Variants in TTBK2 observed in about 807,000 individuals in gnomAD.
TTBK2 encodes tau-tubulin kinase 2.
In TTBK2, 28 loss-of-function variants were observed where a neutral mutation model predicts 110.8. That is an observed-to-expected ratio of 0.25 (90% CI 0.19 to 0.35). TTBK2 has a LOEUF of 0.35. Ranked by LOEUF, TTBK2 falls within the 10% of genes least tolerant of loss-of-function variation. The pLI is 1.00. For synonymous variants in TTBK2, 532 were observed against 527.3 expected (o/e 1.01, Z -0.12); for missense variants, 1,369 against 1,500.3 (o/e 0.91, Z 1.45).
chr15:42,903,233 A>T (rs1436069304), intron 1 of TTBK2, among the ~76,000 whole-genome samples: 1 of 152,180 alleles, frequency 6.6e-6, no homozygotes, highest in African/African-American at 2.4e-5. Context: ...ATCAATTCAG[A>T]GACAGAAAGT....
chr15:42,827,814 G>A (rs1892594698), intron 6 of TTBK2, 114 bp downstream of exon 6: 3 of 837,106 alleles, frequency 3.6e-6, no homozygotes, highest in Non-Finnish European at 5.7e-6. Flanking sequence ...AAATGTATAT[G>A]CCACTTCTTA....
At chr15:42,868,717 C>T (rs1352483083) in intron 3 of TTBK2, among the ~76,000 whole-genome samples, 1 of 150,532 alleles carries the variant, frequency 6.6e-6, no homozygotes, top group Non-Finnish European at 1.5e-5. Flanking sequence ...AAAAAATTAG[C>T]TGAGTGTGGT....
chr15:42,802,238 C>T, intron 9 of TTBK2: 1 of 851,950 alleles, frequency 1.2e-6, no homozygotes, highest in South Asian at 1.3e-5. Context: ...CCTCCACTGG[C>T]CCCACCATAT....
intron 3 of TTBK2, among the ~76,000 whole-genome samples, chr15:42,852,692 C>T (rs971868092): frequency 5.3e-5 from 8 of 152,104 alleles, no homozygotes; most frequent in African/African-American, 1.7e-4. Flanking sequence ...AATGAGTAAA[C>T]GAATCCTCAA....
Position 42,783,600 on chromosome 15 carries a change from A to G in TTBK2, c.1016T>C (p.Leu339Pro), listed in dbSNP as rs940709140. ...ANATPIPGDL[L>P]RENTDEVFPD... ...AAATACCTCATCTGTATTTTCTCGAAGCAAGTCTCCAGGGATGGGAGTAGC... is the reference window on the plus strand; with the variant it reads ...AAATACCTCATCTGTATTTTCTCGAGGCAAGTCTCCAGGGATGGGAGTAGC... The change falls in exon 11 of 15, where the codon CTT becomes CCT. Residue 339 changes from leucine (L) to proline (P), a missense_variant. Leu to Pro is a moderately conservative substitution (Grantham distance 98). Transcript: ENST00000267890. 1 of 1,614,040 alleles carries G rather than the reference A, an allele frequency of 6.2e-7. No individual in the cohort carries two copies. The highest frequency in any genetic ancestry group is 1.3e-5 in the African/African-American group (1 of 74,912).
At chr15:42,908,309 A>C (rs2141205760) in intron 1 of TTBK2, 1 of 152,254 alleles carries the variant, frequency 6.6e-6, no homozygotes, top group South Asian at 2.1e-4. Context: ...GCCGTCCGTA[A>C]AAATTTTAAA....
intron 4 of TTBK2, among the ~76,000 whole-genome samples, chr15:42,835,276 G>C (rs1892941975): frequency 6.6e-6 from 1 of 152,112 alleles, no homozygotes; most frequent in Non-Finnish European, 1.5e-5. Flanking sequence ...TAACCTCACT[G>C]AAAGACAGAC....
At chr15:42,866,899 C>G (rs927740592) in intron 3 of TTBK2, among the ~76,000 whole-genome samples, 1 of 151,956 alleles carries the variant, frequency 6.6e-6, no homozygotes, top group Non-Finnish European at 1.5e-5. Flanking sequence ...CTGGGATGCA[C>G]TGAAAAAGGT....
intron 3 of TTBK2, among the ~76,000 whole-genome samples, chr15:42,861,629 T>C (rs1312925468): frequency 1.3e-5 from 2 of 152,036 alleles, no homozygotes; most frequent in Non-Finnish European, 2.9e-5. Context: ...TAAATGCCTT[T>C]ATCAAGAAGT....
chr15:42,815,931 A>AT (rs1891942622), intron 7 of TTBK2, among the ~76,000 whole-genome samples: 1 of 50,542 alleles, frequency 2.0e-5, no homozygotes, highest in Non-Finnish European at 3.3e-5. Context: ...TATATTTAAA[A>AT]ATATATATAT....
At chr15:42,763,143 C>CATATATATATACATATATAT (rs2062063829) in intron 13 of TTBK2, among the ~76,000 whole-genome samples, 2 of 51,152 alleles carry the variant, frequency 3.9e-5, no homozygotes, top group Non-Finnish European at 6.1e-5. Flanking sequence ...TATATACATA[C>CATATATATATACATATATAT]ATATATATAT....
chr15:42,914,260 G>T (rs149119473), intron 1 of TTBK2, among the ~76,000 whole-genome samples: 1,740 of 152,186 alleles, frequency 0.011, 30 homozygotes, highest in African/African-American at 0.039. Context: ...ATAGGCATGA[G>T]CCACCACGCC....
At chr15:42,818,359 A>G (rs1056835217) in intron 6 of TTBK2, among the ~76,000 whole-genome samples, 1 of 152,228 alleles carries the variant, frequency 6.6e-6, no homozygotes, top group Non-Finnish European at 1.5e-5. Flanking sequence ...TGAGAAGTAT[A>G]TAACTTGTCT....
intron 2 of TTBK2, among the ~76,000 whole-genome samples, chr15:42,878,271 T>C (rs986178078): frequency 6.6e-6 from 1 of 151,904 alleles, no homozygotes; most frequent in African/African-American, 2.4e-5. Flanking sequence ...CGAGAGCCAC[T>C]GCGCCCGGCC....
chr15:42,791,740 T>C (rs1173467643), intron 10 of TTBK2, among the ~76,000 whole-genome samples: 1 of 152,236 alleles, frequency 6.6e-6, no homozygotes, highest in Non-Finnish European at 1.5e-5. Flanking sequence ...GCATCATGGC[T>C]GGACCTTGTA....
In TTBK2 at chr15:42,738,769, C is replaced by G. The variant is rs947712739; in HGVS notation, c.*7026G>C. ...TTAATTTTATTACAGGAAAACATCT[C>G]CTAACTGCAGGGACACTTAACACCT... On this transcript the variant is annotated 3_prime_UTR_variant, in exon 15 of 15. Coordinates refer to ENST00000267890, the MANE Select transcript of TTBK2 (RefSeq NM_173500.4). The G allele has an allele frequency of 3.3e-5, 5 of 152,192 alleles. No individual in the cohort carries two copies. Among genetic ancestry groups the G allele is most frequent in the African/African-American group, 9.7e-5 (4 of 41,434 alleles). 9.4% of individuals were successfully genotyped at this position (152,192 alleles called of 1,614,324 possible). A position where few individuals can be genotyped will look rare whatever the true frequency, so the allele number is the denominator to read the frequency against.
chr15:42,814,615 G>A (rs1288689921), intron 7 of TTBK2, among the ~76,000 whole-genome samples: 4 of 152,100 alleles, frequency 2.6e-5, no homozygotes, highest in Non-Finnish European at 1.5e-5. Context: ...AAGAGAAATA[G>A]AGTGTATTAT....
chr15:42,917,681 T>G (rs1163902933), intron 1 of TTBK2, among the ~76,000 whole-genome samples: 1 of 148,662 alleles, frequency 6.7e-6, no homozygotes, highest in Admixed American at 6.7e-5. Flanking sequence ...ATATGCTGGA[T>G]GACAAAAAAA....
intron 1 of TTBK2, among the ~76,000 whole-genome samples, chr15:42,912,791 A>T (rs2030850199): frequency 6.6e-6 from 1 of 152,150 alleles, no homozygotes; most frequent in South Asian, 2.1e-4. Flanking sequence ...GTTTACAAAG[A>T]GTACACACCA....
Sources: allele counts gnomAD v4.1 joint callset (sites outside exome capture counted in the v4.1 genomes callset), GRCh38; gene constraint gnomAD v4.1.1; transcripts MANE v1.5; gene names NCBI Gene and HGNC (gene_info 2026-07-23, HGNC 2026-07-21).